NAA10: variants seen among roughly 807,000 people sequenced by gnomAD.
The protein encoded by NAA10 is N-alpha-acetyltransferase 10.
In NAA10, 6 loss-of-function variants were observed where a neutral mutation model predicts 19.2. The ratio of observed to expected loss-of-function variants is 0.31; its 90% CI spans 0.17 to 0.62. The LOEUF (loss-of-function observed/expected upper bound fraction) is 0.62. Ranked by LOEUF, NAA10 falls within the 20% of genes least tolerant of loss-of-function variation. The pLI, the probability that NAA10 is intolerant of heterozygous loss-of-function variation, is 0.83. For missense variants in NAA10, 101 were observed against 198.4 expected, an observed-to-expected ratio of 0.51 and a Z score of 2.95; for synonymous variants, 97 against 79.9, an observed-to-expected ratio of 1.21 and a Z score of -1.14.
Position 153,934,980 on chromosome X carries a change from G to C in NAA10, c.-76C>G. The C allele has an allele frequency of 1.1e-6, 1 of 894,006 alleles. No individual in the cohort carries two copies. Among genetic ancestry groups the C allele is most frequent in the Non-Finnish European group, 1.4e-6 (1 of 711,634 alleles). 73.7% of individuals were successfully genotyped at this position (894,006 alleles called of 1,213,427 possible). A position where few individuals can be genotyped will look rare whatever the true frequency, so the allele number is the denominator to read the frequency against. On this transcript the variant is annotated 5_prime_UTR_variant, in exon 1 of 8. Coordinates refer to ENST00000464845, the MANE Select transcript of NAA10 (RefSeq NM_003491.4). ...TGCCGCCGCGCTCCGAAGCGACGCC[G>C]GGACGGCCGGGGCTGGGACCGGAGC...
chrX:153,931,849 C>T, intron 6 of NAA10: 1 of 1,108,371 alleles, frequency 9.0e-7, no homozygotes, highest in East Asian at 3.3e-5. Context: ...CATCACAACA[C>T]ATGGAGCACG....
chrX:153,933,686 A>G (rs2065180103), intron 3 of NAA10: 1 of 281,300 alleles, frequency 3.6e-6, no homozygotes, highest in Non-Finnish European at 6.2e-6. Context: ...AATAATAGTA[A>G]TAATAATAAT....
chrX:153,932,593 G>C lies in NAA10; in HGVS notation c.180-9C>G. The C allele has an allele frequency of 8.3e-7, 1 of 1,200,915 alleles. No homozygotes were observed. The highest frequency in any genetic ancestry group is 1.1e-6 in the Non-Finnish European group (1 of 888,967). On this transcript the variant is annotated splice_polypyrimidine_tract_variant and intron_variant, in intron 3 of 7. Transcript: ENST00000464845. ...CATCTGGGTCCTCTTCCCTGGAGAG[G>C]GAGAAAGGAGAGGCTGCAAAGGAGC...
intron 3 of NAA10, among the ~76,000 whole-genome samples, chrX:153,933,155 A>G: frequency 8.9e-6 from 1 of 112,457 alleles, no homozygotes; most frequent in East Asian, 2.8e-4. Context: ...AAAGCTGTAT[A>G]TAGTATGATT....
rs1331937624 is a variant in NAA10, at chrX:153,929,369, G to C, written c.*618C>G. 2 of 112,701 alleles carry C rather than the reference G, an allele frequency of 1.8e-5. No homozygotes were observed. Among genetic ancestry groups the C allele is most frequent in the African/African-American group, 6.5e-5 (2 of 30,813 alleles). 9.3% of individuals were successfully genotyped at this position (112,701 alleles called of 1,213,427 possible). On this transcript the variant is annotated 3_prime_UTR_variant, in exon 8 of 8. Coordinates refer to ENST00000464845, the MANE Select transcript of NAA10 (RefSeq NM_003491.4). ...AAATTATTTTCAAATGCAAACTCAGGTTAGGGAGTAGACTCAAGAGGTATC... is the reference window on the plus strand; with the variant it reads ...AAATTATTTTCAAATGCAAACTCAGCTTAGGGAGTAGACTCAAGAGGTATC...
chrX:153,933,882 A>T, intron 3 of NAA10, 61 bp downstream of exon 3: 5 of 979,718 alleles, frequency 5.1e-6, no homozygotes, highest in Non-Finnish European at 5.7e-6. Flanking sequence ...CATTTTTTTT[A>T]AAGCCCACAG....
In NAA10 at chrX:153,933,934, G is replaced by C; in HGVS notation, c.179+9C>G. ...CGTGTAGCTTCTGTCTTCCTCCTTG[G>C]TGACTCACATTTTGGCCAGGACATA... On this transcript the variant is annotated intron_variant, in intron 3 of 7. Coordinates refer to ENST00000464845, the MANE Select transcript of NAA10 (RefSeq NM_003491.4). The C allele has an allele frequency of 1.7e-6, 2 of 1,207,110 alleles. No individual in the cohort carries two copies. The highest frequency in any genetic ancestry group is 2.2e-6 in the Non-Finnish European group (2 of 891,515).
intron 6 of NAA10, chrX:153,931,661 G>A: frequency 1.2e-6 from 1 of 868,069 alleles, no homozygotes; most frequent in Non-Finnish European, 1.4e-6. Context: ...CTTCCTTCCT[G>A]AATGTGCATT....
At chrX:153,931,110 C>G in intron 6 of NAA10, 1 of 1,060,477 alleles carries the variant, frequency 9.4e-7, no homozygotes, top group Admixed American at 3.1e-5. Flanking sequence ...TTCTTGTGAG[C>G]TGAAGCCCTG....
chrX:153,931,830 G>A, intron 6 of NAA10: 1 of 1,095,744 alleles, frequency 9.1e-7, no homozygotes, highest in South Asian at 2.3e-5. Flanking sequence ...TCATGGGCCA[G>A]AGCTCCTCCA....
chrX:153,932,224 C>T (rs1557107496), intron 5 of NAA10, 92 bp downstream of exon 5: 1 of 1,156,176 alleles, frequency 8.6e-7, no homozygotes. Flanking sequence ...ATCCCACTTC[C>T]TGGATCTTCA....
chrX:153,932,612 A>C, intron 3 of NAA10, 28 bp from the exon 4 acceptor site: 1 of 1,185,617 alleles, frequency 8.4e-7, no homozygotes, highest in Non-Finnish European at 1.1e-6. Context: ...AGAGGCTGCA[A>C]AGGAGCTCAG....
intron 3 of NAA10, 115 bp from the exon 4 acceptor site, chrX:153,932,699 G>A: frequency 1.4e-6 from 1 of 702,124 alleles, no homozygotes; most frequent in Non-Finnish European, 2.2e-6. Context: ...ACCCCAGCTG[G>A]GGGAGAGCCG....
Position 153,932,176 on chromosome X carries a change from C to CAGG in NAA10, c.342-64_342-62dup, listed in dbSNP as rs782077704. On this transcript the variant is annotated intron_variant, in intron 5 of 7. Transcript: ENST00000464845. The stretch of plus-strand genomic sequence containing the variant: ...TTTGGCCAGGGAGGGGTAGCACGTC[C>CAGG]AGGTCTTGCCCCTCCTCCTGGTCCC... 97 of 1,190,027 alleles carry CAGG rather than the reference C, an allele frequency of 8.2e-5. 2 individuals are homozygous for CAGG. In the South Asian group the frequency reaches 1.7e-3, roughly 20 times the overall value.
At position 153,929,885 on chromosome X, in the gene NAA10, C is replaced by CA; in HGVS notation, c.*101dup. 2 of 697,099 alleles carry CA rather than the reference C, an allele frequency of 2.9e-6. No individual in the cohort carries two copies. The highest frequency in any genetic ancestry group is 4.5e-6 in the Non-Finnish European group (2 of 440,196). 57.4% of individuals were successfully genotyped at this position (697,099 alleles called of 1,213,427 possible). ...ATCCCCACCAGAGGACCTGGAGAAA[C>CA]ACACCCTCTAAATGTGCGCGCGCTC... On this transcript the variant is annotated 3_prime_UTR_variant, in exon 8 of 8. Transcript: ENST00000464845.
intron 3 of NAA10, 76 bp from the exon 4 acceptor site, chrX:153,932,660 A>G (rs2065173478): frequency 8.2e-6 from 8 of 970,903 alleles, no homozygotes; most frequent in Non-Finnish European, 1.2e-5. Flanking sequence ...TGCCATTTGT[A>G]GAGTGGACAT....
At chrX:153,932,199 C>T in intron 5 of NAA10, 84 bp from the exon 6 acceptor site, 1 of 1,168,106 alleles carries the variant, frequency 8.6e-7, no homozygotes, top group African/African-American at 1.8e-5. Flanking sequence ...TCCTCCTGGT[C>T]CCTCCTTCCC....
Position 153,934,947 on chromosome X carries a change from C to T in NAA10, c.-43G>A. 1 of 975,182 alleles carries T rather than the reference C, an allele frequency of 1.0e-6. No homozygotes were observed. 80.4% of individuals were successfully genotyped at this position (975,182 alleles called of 1,213,427 possible). ...CGGGTCCCAGCGGATCGTGAAGGCG[C>T]AGTCAGCTGCCGCCGCGCTCCGAAG... On this transcript the variant is annotated 5_prime_UTR_variant, in exon 1 of 8. Transcript: ENST00000464845.
chrX:153,934,681 C>A, intron 1 of NAA10: 1 of 576,296 alleles, frequency 1.7e-6, no homozygotes, highest in African/African-American at 2.2e-5. Flanking sequence ...GGAGGCCCGA[C>A]ATCACGCAAA....
Sources: allele counts gnomAD v4.1 joint callset (sites outside exome capture counted in the v4.1 genomes callset), GRCh38; gene constraint gnomAD v4.1.1; transcripts MANE v1.5; gene names NCBI Gene and HGNC (gene_info 2026-07-23, HGNC 2026-07-21).